SFT2D1: variants seen among roughly 807,000 people sequenced by gnomAD.
SFT2D1 encodes the protein vesicle transport protein SFT2A.
SFT2D1 carries 24 observed loss-of-function variants against 28.1 expected under a neutral mutation model. The observed-to-expected ratio is 0.85, with a 90% CI of 0.62 to 1.20. The LOEUF (loss-of-function observed/expected upper bound fraction) is 1.20. Ranked by LOEUF, SFT2D1 falls within the 50% of genes most tolerant of loss-of-function variation. SFT2D1 has a pLI of 0.00. For missense variants in SFT2D1, 181 were observed against 190.9 expected (o/e 0.95, Z 0.31); for synonymous variants, 82 against 73.7 (o/e 1.11, Z -0.58).
chr6:166,322,827 A>C (rs780063746), intron 7 of SFT2D1, 30 bp downstream of exon 7: 1 of 1,587,860 alleles, frequency 6.3e-7, no homozygotes, highest in South Asian at 1.1e-5. Flanking sequence ...GTAAAGAACC[A>C]GAAAGAAGAC....
chr6:166,332,003 A>G (rs1043662343), intron 1 of SFT2D1, among the ~76,000 whole-genome samples: 2 of 152,208 alleles, frequency 1.3e-5, no homozygotes, highest in Non-Finnish European at 2.9e-5. Context: ...TTTGTATAAT[A>G]GTAGGTATTT....
At position 166,340,447 on chromosome 6, in the gene SFT2D1, C is replaced by T. The variant is rs138626011; in HGVS notation, c.63+1972G>A. On this transcript the variant is annotated intron_variant, in intron 1 of 7. Coordinates refer to ENST00000361731, the MANE Select transcript of SFT2D1 (RefSeq NM_145169.3). ...ATTGAGAATCCCCCTTCCTGCTTCA[C>T]CTTTTCTTCTACAATTGTCCCTCTT... 7.9e-5 allele frequency among the ~76,000 whole-genome samples: 12 copies of T among 152,356 alleles called. No homozygotes were observed. In the South Asian group the frequency reaches 1.5e-3, roughly 18 times the overall value.
intron 1 of SFT2D1, among the ~76,000 whole-genome samples, chr6:166,339,983 C>T (rs1412683955): frequency 2.0e-5 from 3 of 152,200 alleles, no homozygotes; most frequent in African/African-American, 7.2e-5. Flanking sequence ...TGATTTTCCT[C>T]CCTGAACCTG....
intron 7 of SFT2D1, among the ~76,000 whole-genome samples, chr6:166,322,012 T>C (rs2114888254): frequency 6.6e-6 from 1 of 152,270 alleles, no homozygotes; most frequent in East Asian, 1.9e-4. Context: ...GCCTCCCAAG[T>C]AGCTGGGATT....
At chr6:166,341,498 T>C (rs1778781571) in intron 1 of SFT2D1, among the ~76,000 whole-genome samples, 1 of 150,076 alleles carries the variant, frequency 6.7e-6, no homozygotes, top group South Asian at 2.1e-4. Context: ...TGTGGTAATA[T>C]ACAGAGTTAC....
At chr6:166,328,452 C>A in intron 3 of SFT2D1, 95 bp from the exon 4 acceptor site, 1 of 686,428 alleles carries the variant, frequency 1.5e-6, no homozygotes, top group Non-Finnish European at 2.2e-6. Flanking sequence ...AGCCCTGTTG[C>A]TTTATTTAAT....
At chr6:166,337,293 A>G (rs1455559573) in intron 1 of SFT2D1, among the ~76,000 whole-genome samples, 1 of 152,174 alleles carries the variant, frequency 6.6e-6, no homozygotes, top group African/African-American at 2.4e-5. Context: ...GCTCACCTTG[A>G]CCATTCTAGC....
At chr6:166,340,173 T>C (rs1195449524) in intron 1 of SFT2D1, among the ~76,000 whole-genome samples, 1 of 152,210 alleles carries the variant, frequency 6.6e-6, no homozygotes, top group Non-Finnish European at 1.5e-5. Flanking sequence ...AACAGGCTTT[T>C]TTGCTCTTTA....
chr6:166,327,606 C>T (rs1033840125), intron 4 of SFT2D1, among the ~76,000 whole-genome samples: 7 of 152,064 alleles, frequency 4.6e-5, no homozygotes, highest in African/African-American at 7.2e-5. Flanking sequence ...TGTCTATGCC[C>T]ACCCTCTAAA....
chr6:166,342,005 G>T (rs1562448950), intron 1 of SFT2D1, among the ~76,000 whole-genome samples: 1 of 152,044 alleles, frequency 6.6e-6, no homozygotes, highest in African/African-American at 2.4e-5. Flanking sequence ...ACAAACAGAT[G>T]CAACAAGCTT....
rs1043084982 is a variant in SFT2D1 at position 166,320,155 on chromosome 6, G to A, written c.*62C>T. 2.5e-5 allele frequency: 39 copies of A among 1,537,358 alleles called. No homozygotes were observed. The African/African-American group carries it at 5.3e-4, about 21-fold the overall frequency. Reference sequence around the variant, plus strand: ...TTCCTGGAGTGTTTTATGGGGAAAAGCAAACTTCACCAAACATAGAGTACC... The same window carrying A: ...TTCCTGGAGTGTTTTATGGGGAAAAACAAACTTCACCAAACATAGAGTACC... On this transcript the variant is annotated 3_prime_UTR_variant, in exon 8 of 8. Coordinates refer to ENST00000361731, the MANE Select transcript of SFT2D1 (RefSeq NM_145169.3).
chr6:166,322,953 C>T, intron 6 of SFT2D1, 67 bp from the exon 7 acceptor site: 2 of 1,280,092 alleles, frequency 1.6e-6, no homozygotes, highest in Admixed American at 3.5e-5. Flanking sequence ...GCCAAAAGGC[C>T]ATGTCTAACC....
chr6:166,331,999 T>A (rs965574721), intron 1 of SFT2D1, among the ~76,000 whole-genome samples: 1 of 152,252 alleles, frequency 6.6e-6, no homozygotes, highest in Non-Finnish European at 1.5e-5. Flanking sequence ...GCTATTTGTA[T>A]AATAGTAGGT....
chr6:166,330,339 G>C (rs1778527990), intron 1 of SFT2D1, 92 bp from the exon 2 acceptor site: 1 of 781,406 alleles, frequency 1.3e-6, no homozygotes, highest in Non-Finnish European at 2.1e-6. Context: ...TTAACACATA[G>C]TCTGAATCAT....
intron 4 of SFT2D1, among the ~76,000 whole-genome samples, chr6:166,326,712 C>A (rs537546035): frequency 6.6e-6 from 1 of 152,216 alleles, no homozygotes; most frequent in Non-Finnish European, 1.5e-5. Context: ...CATTACTAGG[C>A]GTGATCTTAC....
rs1562444040 is a variant in SFT2D1, at chr6:166,329,535, T to C, written c.205A>G (p.Thr69Ala). 6.2e-7 allele frequency: 1 copy of C among 1,611,202 alleles called. No individual in the cohort carries two copies. Among genetic ancestry groups the C allele is most frequent in the Non-Finnish European group, 8.5e-7 (1 of 1,177,900 alleles). Residue 69 changes from threonine to alanine, a missense_variant, in exon 3 of 8, where the codon ACC becomes GCC. Transcript: ENST00000361731. ...GGIKLFAVFYTLGNLAALAST... is the reference protein window; with the variant it reads ...GGIKLFAVFYALGNLAALAST... ...GCTAACGCAGCAAGATTGCCGAGGG[T>C]ATAAAACACTGCAAAAAGCTTTATG...
At chr6:166,333,120 G>C (rs1378495371) in intron 1 of SFT2D1, among the ~76,000 whole-genome samples, 1 of 152,160 alleles carries the variant, frequency 6.6e-6, no homozygotes, top group Non-Finnish European at 1.5e-5. Flanking sequence ...AATAGCAGTG[G>C]GTATAAAAAG....
Position 166,320,897 on chromosome 6 carries a change from A to T in SFT2D1, c.441-641T>A, listed in dbSNP as rs552397330. Among the ~76,000 whole-genome samples the T allele has an allele frequency of 3.3e-5, 5 of 152,328 alleles. No homozygotes were observed. The East Asian group carries it at 5.8e-4, about 18-fold the overall frequency. ...GGCAGGTGGATCACTTGAGGTCAGGAGTTCAAGACCAGCCTGGCCAACATG... is the reference window on the plus strand; with the variant it reads ...GGCAGGTGGATCACTTGAGGTCAGGTGTTCAAGACCAGCCTGGCCAACATG... On this transcript the variant is annotated intron_variant, in intron 7 of 7. Transcript: ENST00000361731.
At chr6:166,341,448 T>TAAAAAAA (rs35479577) in intron 1 of SFT2D1, among the ~76,000 whole-genome samples, 1 of 128,490 alleles carries the variant, frequency 7.8e-6, no homozygotes, top group Non-Finnish European at 1.6e-5. Flanking sequence ...AGACTCCATC[T>TAAAAAAA]AAAAAAAAAA....
Sources: allele counts gnomAD v4.1 joint callset (sites outside exome capture counted in the v4.1 genomes callset), GRCh38; gene constraint gnomAD v4.1.1; transcripts MANE v1.5; gene names NCBI Gene and HGNC (gene_info 2026-07-23, HGNC 2026-07-21).